The following NKAIN3 variants were observed in gnomAD, a reference collection of about 807,000 sequenced individuals.
NKAIN3 encodes sodium/potassium-transporting ATPase subunit beta-1-interacting protein 3.
In NKAIN3, 25 loss-of-function variants were observed where a neutral mutation model predicts 30.2. The ratio of observed to expected loss-of-function variants is 0.83; its 90% CI spans 0.60 to 1.16. NKAIN3 has a LOEUF of 1.16. Ranked by LOEUF, NKAIN3 falls within the 50% of genes most tolerant of loss-of-function variation. The pLI, the probability that NKAIN3 is intolerant of heterozygous loss-of-function variation, is 0.00. For synonymous variants in NKAIN3, 91 were observed against 89.6 expected, an observed-to-expected ratio of 1.02 and a Z score of -0.09; for missense variants, 225 against 254.1, an observed-to-expected ratio of 0.89 and a Z score of 0.78.
intron 1 of NKAIN3, among the ~76,000 whole-genome samples, chr8:62,413,827 T>C (rs1337172954): frequency 2.0e-5 from 3 of 152,170 alleles, no homozygotes; most frequent in Admixed American, 2.0e-4. Context: ...ACTTATGATT[T>C]ATTGAGTTAT....
intron 1 of NKAIN3, among the ~76,000 whole-genome samples, chr8:62,517,523 T>C (rs898808257): frequency 1.3e-4 from 20 of 152,118 alleles, no homozygotes; most frequent in African/African-American, 4.8e-4. Context: ...AATGAGAAGC[T>C]TTAGATCGAA....
intron 4 of NKAIN3, among the ~76,000 whole-genome samples, chr8:62,900,967 G>A (rs1821597228): frequency 6.6e-6 from 1 of 152,158 alleles, no homozygotes; most frequent in African/African-American, 2.4e-5. Flanking sequence ...GTGGCCTCAT[G>A]TTGATCCCCC....
chr8:62,500,473 GA>G (rs1471304001), intron 1 of NKAIN3, among the ~76,000 whole-genome samples: 5 of 120,504 alleles, frequency 4.1e-5, no homozygotes, highest in African/African-American at 9.9e-5. Context: ...AAGAAAGAAA[GA>G]AAGAAAGAAA....
intron 4 of NKAIN3, among the ~76,000 whole-genome samples, chr8:62,835,935 T>C (rs1460028859): frequency 6.6e-6 from 1 of 151,998 alleles, no homozygotes; most frequent in East Asian, 1.9e-4. Flanking sequence ...GGAGTCAACC[T>C]AGGCACCCAT....
chr8:62,747,957 T>C (rs939387629), intron 4 of NKAIN3, among the ~76,000 whole-genome samples: 6 of 152,160 alleles, frequency 3.9e-5, no homozygotes, highest in African/African-American at 1.4e-4. Context: ...AACACAAATA[T>C]GAGTGGTTAT....
chr8:62,612,841 C>T (rs7835219), intron 3 of NKAIN3, among the ~76,000 whole-genome samples: 26,913 of 151,798 alleles, frequency 0.18, 2,817 homozygotes, highest in East Asian at 0.32. Flanking sequence ...ATTATTTTCA[C>T]GTGATAACAA....
At chr8:62,531,358 T>C (rs752449770) in intron 1 of NKAIN3, among the ~76,000 whole-genome samples, 4 of 152,218 alleles carry the variant, frequency 2.6e-5, no homozygotes, top group African/African-American at 4.8e-5. Context: ...ACATGTCTCA[T>C]AGGTTGAAAC....
intron 1 of NKAIN3, among the ~76,000 whole-genome samples, chr8:62,453,750 G>A (rs1979163): frequency 0.34 from 51,671 of 151,974 alleles, 9,861 homozygotes; most frequent in South Asian, 0.45. Flanking sequence ...TATAAGCACC[G>A]ATATGCGCAT....
chr8:62,584,221 C>T (rs1293748733), intron 2 of NKAIN3, among the ~76,000 whole-genome samples: 2 of 152,122 alleles, frequency 1.3e-5, no homozygotes, highest in Non-Finnish European at 2.9e-5. Context: ...TTGGCCAAAC[C>T]ACCACACAGA....
Position 62,448,324 on chromosome 8 carries a change from G to A in NKAIN3, c.55-131215G>A, listed in dbSNP as rs148242535. ...CCAGATTTTGCAGACAAATAAGGGAGTACCAATATTACGGAAAACTTTTAG... is the reference window on the plus strand; with the variant it reads ...CCAGATTTTGCAGACAAATAAGGGAATACCAATATTACGGAAAACTTTTAG... On this transcript the variant is annotated intron_variant, in intron 1 of 6. Transcript: ENST00000623646. 7.1e-4 allele frequency among the ~76,000 whole-genome samples: 108 copies of A among 151,784 alleles called. 3 individuals carry two copies. In the East Asian group the frequency reaches 0.018, roughly 25 times the overall value.
intron 1 of NKAIN3, among the ~76,000 whole-genome samples, chr8:62,413,036 A>G (rs887475005): frequency 7.2e-5 from 11 of 152,188 alleles, no homozygotes; most frequent in Non-Finnish European, 1.6e-4. Flanking sequence ...TACCAAACAT[A>G]TGAAAGATGC....
At chr8:62,373,911 G>A (rs923131227) in intron 1 of NKAIN3, among the ~76,000 whole-genome samples, 12 of 151,942 alleles carry the variant, frequency 7.9e-5, no homozygotes, top group African/African-American at 2.9e-4. Flanking sequence ...TCAGGAGTTT[G>A]AAACCAACCT....
intron 3 of NKAIN3, among the ~76,000 whole-genome samples, chr8:62,651,845 C>T (rs1275638875): frequency 6.6e-6 from 1 of 152,084 alleles, no homozygotes; most frequent in Admixed American, 6.6e-5. Flanking sequence ...TCCTCCCTTG[C>T]TCCCCTTCTT....
At chr8:62,395,693 C>T (rs919912171) in intron 1 of NKAIN3, among the ~76,000 whole-genome samples, 1 of 152,104 alleles carries the variant, frequency 6.6e-6, no homozygotes, top group African/African-American at 2.4e-5. Flanking sequence ...TGATATCTAT[C>T]TTCATTAGCA....
chr8:62,837,581 T>C (rs1204410026), intron 4 of NKAIN3, among the ~76,000 whole-genome samples: 1 of 152,180 alleles, frequency 6.6e-6, no homozygotes. Context: ...CACAGCATGG[T>C]ATTTCTATTT....
intron 4 of NKAIN3, among the ~76,000 whole-genome samples, chr8:62,810,174 G>C (rs1381169357): frequency 6.6e-6 from 1 of 152,034 alleles, no homozygotes; most frequent in Non-Finnish European, 1.5e-5. Context: ...AGTTTCCTTA[G>C]CTGCACGTTG....
At chr8:62,308,391 G>A (rs1390549241) in intron 1 of NKAIN3, among the ~76,000 whole-genome samples, 1 of 150,262 alleles carries the variant, frequency 6.7e-6, no homozygotes, top group Admixed American at 6.6e-5. Flanking sequence ...GCTGATGGGG[G>A]ACTAGTGAGA....
At chr8:62,658,538 G>A (rs115894553) in intron 3 of NKAIN3, among the ~76,000 whole-genome samples, 2,987 of 152,158 alleles carry the variant, frequency 0.02, 88 homozygotes, top group African/African-American at 0.068. Flanking sequence ...GTTCACTTTT[G>A]AATAAATGAA....
At chr8:62,730,799 TTTAA>T (rs1022118952) in intron 3 of NKAIN3, among the ~76,000 whole-genome samples, 7 of 152,202 alleles carry the variant, frequency 4.6e-5, no homozygotes, top group African/African-American at 1.7e-4. Flanking sequence ...CTTCTTTCCC[TTTAA>T]TTACTCATTT....
Sources: gnomAD v4.1 joint callset for allele counts (sites outside exome capture counted in the v4.1 genomes callset) on GRCh38, gnomAD v4.1.1 for gene constraint, MANE v1.5 for transcripts, NCBI Gene and HGNC (gene_info 2026-07-23, HGNC 2026-07-21) for gene names.